Variants in GRM4 observed in about 807,000 individuals in gnomAD.
GRM4 encodes metabotropic glutamate receptor 4.
GRM4 carries 28 observed loss-of-function variants against 81.7 expected under a neutral mutation model. The observed-to-expected ratio is 0.34, with a 90% CI of 0.25 to 0.47. The LOEUF (loss-of-function observed/expected upper bound fraction) is 0.47. Ranked by LOEUF, GRM4 falls within the 20% of genes least tolerant of loss-of-function variation. The probability of loss-of-function intolerance (pLI) is 1.00; values close to 1 mark genes in which losing one functional copy is unlikely to be tolerated. For synonymous variants in GRM4, 488 were observed against 528.8 expected, an observed-to-expected ratio of 0.92 and a Z score of 1.06; for missense variants, 948 against 1,290.0, an observed-to-expected ratio of 0.73 and a Z score of 4.06.
Position 34,078,893 on chromosome 6 carries a change from T to C in GRM4, c.736+12990A>G, listed in dbSNP as rs184831811. On this transcript the variant is annotated intron_variant, in intron 3 of 10. Coordinates refer to ENST00000538487, the MANE Select transcript of GRM4 (RefSeq NM_000841.4). The surrounding 1 kb of genome is among the most constrained non-coding windows in gnomAD (Gnocchi z 4.8). ...TGTCTACCGCAAAATGGGGCACAGA[T>C]ATAATGGGGCAGCATGTAAGTGAGG... is the stretch of plus-strand genomic sequence containing the variant. Among the ~76,000 whole-genome samples the C allele has an allele frequency of 9.9e-4, 150 of 152,114 alleles. No homozygotes were observed. The highest frequency in any genetic ancestry group is 3.5e-3 in the African/African-American group (146 of 41,448).
rs1766334811 is a variant in GRM4, at chr6:34,064,240, G to A, written c.737-2212C>T. The stretch of plus-strand genomic sequence containing the variant: ...GTGTGCAGAGCTCCGTAATACTAAT[G>A]AACATTTATGGAGTGTCCAATGCAT... On this transcript the variant is annotated intron_variant, in intron 3 of 10. Coordinates refer to ENST00000538487, the MANE Select transcript of GRM4 (RefSeq NM_000841.4). This position sits in a 1 kb window ranked among gnomAD's most constrained non-coding sequence, Gnocchi z 4.4. Among the ~76,000 whole-genome samples the A allele has an allele frequency of 6.6e-6, 1 of 152,174 alleles. No homozygotes were observed. The highest frequency in any genetic ancestry group is 1.5e-5 in the Non-Finnish European group (1 of 68,026).
rs1767433484 is a variant in GRM4, at chr6:34,078,563, G to A, written c.736+13320C>T. Among the ~76,000 whole-genome samples the A allele has an allele frequency of 6.6e-6, 1 of 152,106 alleles. No homozygotes were observed. The highest frequency in any genetic ancestry group is 2.4e-5 in the African/African-American group (1 of 41,398). ...CCTGCCTTCTGGGTTGACCTGACAA[G>A]TGGCCTCTGCTCTCTCAGCCTGTTT... On this transcript the variant is annotated intron_variant, in intron 3 of 10. Transcript: ENST00000538487. This position sits in a 1 kb window ranked among gnomAD's most constrained non-coding sequence, Gnocchi z 4.8.
rs1770464645 is a variant in GRM4, at chr6:34,136,563, G to GACGGAC, written c.-363-2705_-363-2704insGTCCGT. On this transcript the variant is annotated intron_variant, in intron 1 of 10. Transcript: ENST00000538487. This position sits in a 1 kb window ranked among gnomAD's most constrained non-coding sequence, Gnocchi z 4.1. ...GCTGAGCAGTGCATGCGCGCGTGCGGACACACACACACACACACACACACA... is the reference window on the plus strand; with the variant it reads ...GCTGAGCAGTGCATGCGCGCGTGCGGACGGACACACACACACACACACACACACACA... 1.4e-5 allele frequency among the ~76,000 whole-genome samples: 2 copies of GACGGAC among 142,534 alleles called. No individual in the cohort carries two copies. Among genetic ancestry groups the GACGGAC allele is most frequent in the South Asian group, 4.7e-4 (2 of 4,288 alleles). 93.5% of individuals were successfully genotyped at this position (142,534 alleles called of 152,430 possible).
chr6:34,081,740 G>A (rs564802298), intron 3 of GRM4, among the ~76,000 whole-genome samples: 1 of 137,338 alleles, frequency 7.3e-6, no homozygotes, highest in Non-Finnish European at 1.6e-5. Flanking sequence ...TGGTGAATGT[G>A]AGACAAGGAA....
chr6:34,061,792 G>A (rs1766192528), intron 4 of GRM4, 101 bp downstream of exon 4: 1 of 1,267,736 alleles, frequency 7.9e-7, no homozygotes, highest in Admixed American at 2.0e-5. Flanking sequence ...TCCCAGGGTG[G>A]GGTCAGGCTC....
intron 9 of GRM4, among the ~76,000 whole-genome samples, chr6:34,033,661 TTC>T (rs749158710): frequency 5.3e-5 from 8 of 151,064 alleles, no homozygotes; most frequent in African/African-American, 9.7e-5. Flanking sequence ...CGCTCTTTCT[TTC>T]TCTCTCTTTC....
chr6:34,103,183 G>A (rs1768930001), intron 2 of GRM4, among the ~76,000 whole-genome samples: 1 of 152,210 alleles, frequency 6.6e-6, no homozygotes, highest in Non-Finnish European at 1.5e-5. Flanking sequence ...AAAACAAGCG[G>A]ACACTTGGAT....
chr6:34,096,999 C>T (rs1049051094), intron 2 of GRM4, among the ~76,000 whole-genome samples: 2 of 152,002 alleles, frequency 1.3e-5, no homozygotes, highest in Non-Finnish European at 2.9e-5. Context: ...CACATGGGTG[C>T]CCCGCACATT....
At chr6:34,103,935 C>T in intron 2 of GRM4, 1 of 1,081,212 alleles carries the variant, frequency 9.2e-7, no homozygotes, top group South Asian at 2.1e-5. Context: ...GCCAGCCATG[C>T]ACCTCTCTCA....
At chr6:34,153,137 AGGGACCTT>A (rs1006041179) in intron 1 of GRM4, among the ~76,000 whole-genome samples, 15 of 152,138 alleles carry the variant, frequency 9.9e-5, no homozygotes, top group African/African-American at 3.6e-4. Flanking sequence ...CTGGACAAGA[AGGGACCTT>A]GGCAGAAAAC....
intron 2 of GRM4, among the ~76,000 whole-genome samples, chr6:34,126,548 A>C (rs760051067): frequency 6.6e-6 from 1 of 152,180 alleles, no homozygotes; most frequent in Non-Finnish European, 1.5e-5. Flanking sequence ...GGGGACCTGG[A>C]GAAGGTGTTT....
At chr6:34,145,076 G>A (rs916764094) in intron 1 of GRM4, among the ~76,000 whole-genome samples, 3 of 152,028 alleles carry the variant, frequency 2.0e-5, no homozygotes, top group South Asian at 4.1e-4. Context: ...TCCCCCTCGG[G>A]CCACAACTCA....
At chr6:34,037,297 G>C (rs1015376185) in intron 8 of GRM4, among the ~76,000 whole-genome samples, 5 of 152,216 alleles carry the variant, frequency 3.3e-5, no homozygotes, top group Admixed American at 3.3e-4. Context: ...CAATGACTGT[G>C]AGCAATAGAG....
intron 2 of GRM4, among the ~76,000 whole-genome samples, chr6:34,132,404 G>T (rs189934816): frequency 3.5e-4 from 54 of 152,250 alleles, no homozygotes; most frequent in African/African-American, 1.2e-3. Flanking sequence ...CCATAATCTC[G>T]GGTAGGGCAG....
chr6:34,082,269 A>C (rs1177928567), intron 3 of GRM4, among the ~76,000 whole-genome samples: 1 of 152,220 alleles, frequency 6.6e-6, no homozygotes, highest in East Asian at 1.9e-4. Context: ...TGTCAAATAT[A>C]TCAAAATAAA....
At chr6:34,104,048 C>A (rs1193376247) in intron 2 of GRM4, among the ~76,000 whole-genome samples, 1 of 152,266 alleles carries the variant, frequency 6.6e-6, no homozygotes, top group East Asian at 1.9e-4. Context: ...AGAGAAGCTG[C>A]CCCTCCGAAG....
rs1769798965 is a variant in GRM4, at chr6:34,121,196, C to T, written c.519+11782G>A. On this transcript the variant is annotated intron_variant, in intron 2 of 10. Coordinates refer to ENST00000538487, the MANE Select transcript of GRM4 (RefSeq NM_000841.4). This position sits in a 1 kb window ranked among gnomAD's most constrained non-coding sequence, Gnocchi z 4.6. ...CCTGACCCCGGAAACCACTCACCCT[C>T]ACACACCGCCCCCCAGTCCTAAGCC... is the stretch of plus-strand genomic sequence containing the variant. Among the ~76,000 whole-genome samples the T allele has an allele frequency of 6.6e-6, 1 of 152,192 alleles. No individual in the cohort carries two copies. Among genetic ancestry groups the T allele is most frequent in the South Asian group, 2.1e-4 (1 of 4,822 alleles).
rs532235539 is a variant in GRM4 at position 34,078,378 on chromosome 6, C to T, written c.736+13505G>A. Among the ~76,000 whole-genome samples the T allele has an allele frequency of 2.0e-5, 3 of 152,122 alleles. No individual in the cohort carries two copies. Among genetic ancestry groups the T allele is most frequent in the Non-Finnish European group, 4.4e-5 (3 of 68,032 alleles). ...ACCTTTCTACGTGTTGTCTCCTGAG[C>T]TCCTTCCAGTCCACCCAGGTCCTAG... On this transcript the variant is annotated intron_variant, in intron 3 of 10. Transcript: ENST00000538487. The surrounding 1 kb of genome is among the most constrained non-coding windows in gnomAD (Gnocchi z 4.8).
intron 3 of GRM4, among the ~76,000 whole-genome samples, chr6:34,073,230 A>G (rs1162234708): frequency 0.15 from 60 of 400 alleles, no homozygotes; most frequent in African/African-American, 0.18. Context: ...CACATCACCA[A>G]ATACATGCCA....
Sources: allele counts gnomAD v4.1 joint callset (sites outside exome capture counted in the v4.1 genomes callset), GRCh38; gene constraint gnomAD v4.1.1; non-coding constraint Gnocchi (gnomAD v3.1); transcripts MANE v1.5; gene names NCBI Gene and HGNC (gene_info 2026-07-23, HGNC 2026-07-21).